The following TMEM223 variants were observed in gnomAD, a reference collection of about 807,000 sequenced individuals.
The protein encoded by TMEM223 is transmembrane protein 223.
Under a neutral mutation model 14.1 loss-of-function variants are expected in TMEM223, and 14 were observed. The ratio of observed to expected loss-of-function variants is 0.99; its 90% CI spans 0.66 to 1.55. The LOEUF (loss-of-function observed/expected upper bound fraction) is 1.55. TMEM223 is among the 40% of genes most tolerant of loss of function. The probability of loss-of-function intolerance (pLI) is 0.00; values close to 1 mark genes in which losing one functional copy is unlikely to be tolerated. For synonymous variants in TMEM223, 145 were observed against 120.5 expected (o/e 1.20, Z -1.33); for missense variants, 346 against 269.9 (o/e 1.28, Z -1.97).
chr11:62,778,862 C>T (rs975338296), intron 1 of TMEM223: 1 of 1,613,642 alleles, frequency 6.2e-7, no homozygotes, highest in Non-Finnish European at 8.5e-7. Flanking sequence ...TGCCTGTCCT[C>T]TGGCAGTGCC....
At chr11:62,789,962 C>A (rs1426246319), downstream of TMEM223, 1 of 1,614,068 alleles carries the variant, frequency 6.2e-7, no homozygotes, top group Admixed American at 1.7e-5. Context: ...TCTGAAGCCA[C>A]CCCATACCGG....
chr11:62,778,551 C>G (rs150081391), intron 1 of TMEM223: 2 of 640,848 alleles, frequency 3.1e-6, no homozygotes, highest in Admixed American at 5.3e-5. Flanking sequence ...ATGTTGGATG[C>G]TAAGACAGAA....
downstream of TMEM223, among the ~76,000 whole-genome samples, chr11:62,783,263 A>C (rs1289595448): frequency 1.3e-5 from 2 of 152,098 alleles, no homozygotes; most frequent in Non-Finnish European, 2.9e-5. Flanking sequence ...TGGGCGGATC[A>C]CAAGGTCAGG....
At chr11:62,772,366 AC>A (rs1186128991) in intron 2 of TMEM223, among the ~76,000 whole-genome samples, 3 of 151,986 alleles carry the variant, frequency 2.0e-5, no homozygotes, top group African/African-American at 7.3e-5. Flanking sequence ...TACTAAAAAT[AC>A]AAAAAATTAG....
At chr11:62,787,317 T>A, downstream of TMEM223, 1 of 1,526,642 alleles carries the variant, frequency 6.6e-7, no homozygotes, top group Non-Finnish European at 8.7e-7. Flanking sequence ...CCTTCGTTCC[T>A]TGTAAATAAA....
intron 1 of TMEM223, chr11:62,776,546 G>T: frequency 6.8e-7 from 1 of 1,474,908 alleles, no homozygotes; most frequent in Non-Finnish European, 9.4e-7. Flanking sequence ...CTGGCGATGT[G>T]GTGAGACATT....
chr11:62,784,529 A>C (rs1247627985), downstream of TMEM223, among the ~76,000 whole-genome samples: 1 of 150,914 alleles, frequency 6.6e-6, no homozygotes, highest in African/African-American at 2.4e-5. Context: ...GATGGTCTCG[A>C]TCTCCTGGCC....
downstream of TMEM223, chr11:62,789,192 G>C: frequency 1.2e-6 from 2 of 1,614,206 alleles, no homozygotes; most frequent in Non-Finnish European, 1.7e-6. Context: ...TACAGCAGCT[G>C]CATCGAGGAC....
In TMEM223 at chr11:62,790,206, C is replaced by A; in HGVS notation, c.*417G>T. On this transcript the variant is annotated 3_prime_UTR_variant, in exon 2 of 2. Transcript: ENST00000307366. ...GGCCCCCCTCCACCTCTTCCTGCAGCTGTTTTTGTACCAAAATATTATATT... is the reference window on the plus strand; with the variant it reads ...GGCCCCCCTCCACCTCTTCCTGCAGATGTTTTTGTACCAAAATATTATATT... 1.3e-6 allele frequency: 1 copy of A among 795,120 alleles called. No homozygotes were observed. The highest frequency in any genetic ancestry group is 1.9e-6 in the Non-Finnish European group (1 of 525,608). The allele number at this position is 795,120 out of a possible 1,614,324, so 49.3% of individuals were successfully genotyped here.
chr11:62,790,431 GTTTTTTTTTGTT>G lies in TMEM223; in HGVS notation c.*180_*191del, dbSNP rs2084347102. On this transcript the variant is annotated 3_prime_UTR_variant, in exon 2 of 2. Transcript: ENST00000307366. ...GTTGTTACTCCATTCTAAGATTGGC[GTTTTTTTTTGTT>G]TTTTTTTTTGTAAATAGAGACAAGG... is the stretch of plus-strand genomic sequence containing the variant. 3.5e-6 allele frequency: 2 copies of G among 566,136 alleles called. No individual in the cohort carries two copies. Among genetic ancestry groups the G allele is most frequent in the Non-Finnish European group, 6.0e-6 (2 of 332,046 alleles). 35.1% of individuals were successfully genotyped at this position (566,136 alleles called of 1,614,324 possible).
chr11:62,771,481 G>T (rs1406062470), downstream of TMEM223: 1 of 156,450 alleles, frequency 6.4e-6, no homozygotes, highest in South Asian at 1.7e-4. Flanking sequence ...CGCCACGCCG[G>T]GGTCTTCAGG....
downstream of TMEM223, chr11:62,789,209 A>T: frequency 6.2e-7 from 1 of 1,614,170 alleles, no homozygotes; most frequent in Middle Eastern, 1.7e-4. Context: ...GGACTCCCAC[A>T]GGTGACTGCC....
chr11:62,790,383 C>G lies in TMEM223; in HGVS notation c.*240G>C. On this transcript the variant is annotated 3_prime_UTR_variant, in exon 2 of 2. Coordinates refer to ENST00000307366, the MANE Select transcript of TMEM223 (RefSeq NM_001080501.3). Reference sequence around the variant, plus strand: ...GCTCCTTTATTTGTTGTTAATGAATCTTGACCTCCTTGTGTGACCCTGGTT... The same window carrying G: ...GCTCCTTTATTTGTTGTTAATGAATGTTGACCTCCTTGTGTGACCCTGGTT... 1.8e-6 allele frequency: 1 copy of G among 559,558 alleles called. No homozygotes were observed. The allele number at this position is 559,558 out of a possible 1,614,324, so 34.7% of individuals were successfully genotyped here.
chr11:62,782,721 T>C, downstream of TMEM223: 1 of 1,612,430 alleles, frequency 6.2e-7, no homozygotes, highest in Non-Finnish European at 8.5e-7. Flanking sequence ...AAGTGGCCTC[T>C]ATCAGCATAT....
downstream of TMEM223, chr11:62,789,210 G>A: frequency 6.2e-7 from 1 of 1,614,128 alleles, no homozygotes; most frequent in South Asian, 1.1e-5. Context: ...GACTCCCACA[G>A]GTGACTGCCT....
chr11:62,771,131 CTGTT>C (rs762607000), downstream of TMEM223: 6 of 152,242 alleles, frequency 3.9e-5, no homozygotes, highest in Non-Finnish European at 7.3e-5. Flanking sequence ...GTCTTTGAGA[CTGTT>C]TATTTCCTCG....
intron 1 of TMEM223, among the ~76,000 whole-genome samples, chr11:62,779,239 G>A (rs921188752): frequency 2.9e-4 from 44 of 152,180 alleles, no homozygotes; most frequent in Non-Finnish European, 5.1e-4. Context: ...TTGTCACCCA[G>A]GCTGGAGTGC....
At chr11:62,789,081 T>C (rs745644716), downstream of TMEM223, 10 of 1,614,224 alleles carry the variant, frequency 6.2e-6, no homozygotes, top group Admixed American at 1.5e-4. Context: ...GGCTCCTCCC[T>C]GGCCTTATCC....
At chr11:62,788,314 A>T (rs1408559013), downstream of TMEM223, among the ~76,000 whole-genome samples, 1 of 151,990 alleles carries the variant, frequency 6.6e-6, no homozygotes, top group Non-Finnish European at 1.5e-5. Context: ...GAGGCAGGAG[A>T]ATCGCTTGAA....
Sources: allele counts gnomAD v4.1 joint callset (sites outside exome capture counted in the v4.1 genomes callset), GRCh38; gene constraint gnomAD v4.1.1; transcripts MANE v1.5; gene names NCBI Gene and HGNC (gene_info 2026-07-23, HGNC 2026-07-21).